AUTS2: variants seen among roughly 807,000 people sequenced by gnomAD.
The protein encoded by AUTS2 is autism susceptibility gene 2 protein.
Under a neutral mutation model 112.4 loss-of-function variants are expected in AUTS2, and 17 were observed. The observed-to-expected ratio is 0.15, with a 90% CI of 0.10 to 0.23. The LOEUF (loss-of-function observed/expected upper bound fraction) is 0.23. AUTS2 is among the 10% of genes least tolerant of loss of function. The probability of loss-of-function intolerance (pLI) is 1.00; values close to 1 mark genes in which losing one functional copy is unlikely to be tolerated. For missense variants in AUTS2, 1,510 were observed against 1,701.6 expected, an observed-to-expected ratio of 0.89 and a Z score of 1.98; for synonymous variants, 751 against 702.7, an observed-to-expected ratio of 1.07 and a Z score of -1.09.
intron 4 of AUTS2, among the ~76,000 whole-genome samples, chr7:70,384,694 T>C (rs1487302694): frequency 2.6e-5 from 4 of 152,182 alleles, no homozygotes; most frequent in East Asian, 1.9e-4. Flanking sequence ...GGATTGTTGA[T>C]AGACAATGTC....
At chr7:70,358,218 T>C (rs767580066) in intron 4 of AUTS2, among the ~76,000 whole-genome samples, 28 of 152,344 alleles carry the variant, frequency 1.8e-4, no homozygotes, top group Non-Finnish European at 3.5e-4. Context: ...TTTTCTCTTG[T>C]TGATCTAGAT....
chr7:70,123,591 A>G (rs1319153125), intron 3 of AUTS2, among the ~76,000 whole-genome samples: 1 of 152,168 alleles, frequency 6.6e-6, no homozygotes, highest in Non-Finnish European at 1.5e-5. Context: ...ATAAGTAAAA[A>G]CATGCAGTAT....
At chr7:70,145,190 G>A (rs1490473399) in intron 4 of AUTS2, among the ~76,000 whole-genome samples, 1 of 152,068 alleles carries the variant, frequency 6.6e-6, no homozygotes, top group Non-Finnish European at 1.5e-5. Flanking sequence ...CTTATCTGGA[G>A]CTTTAACAGA....
chr7:70,171,907 G>T (rs1009966269), intron 4 of AUTS2, among the ~76,000 whole-genome samples: 13 of 150,378 alleles, frequency 8.6e-5, no homozygotes, highest in South Asian at 4.2e-4. Flanking sequence ...TTTTTTTTTG[G>T]GGGGGGGTAG....
At chr7:70,681,450 C>A (rs1051283571) in intron 5 of AUTS2, among the ~76,000 whole-genome samples, 3 of 152,116 alleles carry the variant, frequency 2.0e-5, no homozygotes, top group African/African-American at 7.2e-5. Flanking sequence ...TCCTCCCTCG[C>A]TACTGGGGGT....
intron 5 of AUTS2, among the ~76,000 whole-genome samples, chr7:70,615,687 C>T (rs1255165416): frequency 6.6e-6 from 1 of 152,136 alleles, no homozygotes; most frequent in African/African-American, 2.4e-5. Context: ...GTCAACTGTG[C>T]TGCTTTCACC....
At chr7:70,192,637 A>G (rs1411027172) in intron 4 of AUTS2, among the ~76,000 whole-genome samples, 3 of 152,216 alleles carry the variant, frequency 2.0e-5, no homozygotes, top group Non-Finnish European at 4.4e-5. Context: ...CCGAGGCTAC[A>G]GTGCTGGTCA....
rs368099988 is a variant in AUTS2 at position 70,791,075 on chromosome 7, A to G, written c.*79A>G. On this transcript the variant is annotated 3_prime_UTR_variant, in exon 19 of 19. Coordinates refer to ENST00000342771, the MANE Select transcript of AUTS2 (RefSeq NM_015570.4). ...CAGGCTTGAGAGACAGAACTCCTGC[A>G]TGGCTCACACAGACTGGGGGGGAAA... The G allele has an allele frequency of 1.8e-4, 243 of 1,372,908 alleles. 2 individuals carry two copies. The South Asian group carries it at 4.3e-3, about 24-fold the overall frequency. 85.0% of individuals were successfully genotyped at this position (1,372,908 alleles called of 1,614,324 possible). A position where few individuals can be genotyped will look rare whatever the true frequency, so the allele number is the denominator to read the frequency against.
At chr7:69,631,453 G>A (rs1471412657) in intron 1 of AUTS2, among the ~76,000 whole-genome samples, 1 of 152,202 alleles carries the variant, frequency 6.6e-6, no homozygotes, top group African/African-American at 2.4e-5. Context: ...ATGGAAAATA[G>A]TTATTTCGTG....
chr7:69,827,538 A>G (rs1791305648), intron 1 of AUTS2, among the ~76,000 whole-genome samples: 1 of 152,224 alleles, frequency 6.6e-6, no homozygotes, highest in African/African-American at 2.4e-5. Flanking sequence ...TGGATTTTAG[A>G]ACACCACATG....
At chr7:70,448,746 A>G (rs1360244388) in intron 5 of AUTS2, among the ~76,000 whole-genome samples, 1 of 152,204 alleles carries the variant, frequency 6.6e-6, no homozygotes, top group African/African-American at 2.4e-5. Flanking sequence ...CCTTTACTGG[A>G]CGTCCAATGC....
chr7:70,557,070 G>A (rs62455794), intron 5 of AUTS2, among the ~76,000 whole-genome samples: 21,608 of 152,154 alleles, frequency 0.14, 1,852 homozygotes, highest in Non-Finnish European at 0.18. Flanking sequence ...GTCAAGGACT[G>A]TGCTTTATTT....
intron 4 of AUTS2, among the ~76,000 whole-genome samples, chr7:70,255,355 A>G (rs1786810956): frequency 6.6e-6 from 1 of 152,252 alleles, no homozygotes; most frequent in East Asian, 1.9e-4. Context: ...TATAGGCGTG[A>G]GCCACCACGC....
intron 5 of AUTS2, among the ~76,000 whole-genome samples, chr7:70,615,605 G>GA (rs1804323757): frequency 7.9e-6 from 1 of 126,692 alleles, no homozygotes; most frequent in Non-Finnish European, 1.7e-5. Context: ...GTTGTTGTTG[G>GA]AAAAGCATTT....
intron 4 of AUTS2, among the ~76,000 whole-genome samples, chr7:70,249,951 ATTAAT>A (rs1297387801): frequency 2.0e-5 from 3 of 149,524 alleles, no homozygotes; most frequent in African/African-American, 4.9e-5. Flanking sequence ...TACTTAAAAC[ATTAAT>A]TTACTTAAAA....
intron 5 of AUTS2, among the ~76,000 whole-genome samples, chr7:70,589,915 C>T (rs1042736613): frequency 6.6e-6 from 1 of 152,114 alleles, no homozygotes; most frequent in African/African-American, 2.4e-5. Context: ...TGCTGTTCCC[C>T]ACTCAAACAC....
chr7:69,662,628 G>A (rs191340062), intron 1 of AUTS2, among the ~76,000 whole-genome samples: 140 of 152,254 alleles, frequency 9.2e-4, no homozygotes, highest in African/African-American at 3.3e-3. Context: ...TCATTTAAAT[G>A]CTTTGGTATA....
At chr7:70,734,882 T>C (rs1467014586) in intron 6 of AUTS2, among the ~76,000 whole-genome samples, 1 of 152,154 alleles carries the variant, frequency 6.6e-6, no homozygotes, top group African/African-American at 2.4e-5. Context: ...GCCTAATAGT[T>C]ATCAAAACTG....
At chr7:70,632,794 G>A (rs1421121526) in intron 5 of AUTS2, among the ~76,000 whole-genome samples, 1 of 152,014 alleles carries the variant, frequency 6.6e-6, no homozygotes, top group African/African-American at 2.4e-5. Context: ...TAATAGCCAC[G>A]GTTGGCTTTT....
Sources: allele counts gnomAD v4.1 joint callset (sites outside exome capture counted in the v4.1 genomes callset), GRCh38; gene constraint gnomAD v4.1.1; transcripts MANE v1.5; gene names NCBI Gene and HGNC (gene_info 2026-07-23, HGNC 2026-07-21).